The following DNAJC11 variants were observed in gnomAD, a reference collection of about 807,000 sequenced individuals.
DNAJC11 encodes dnaJ homolog subfamily C member 11.
Under a neutral mutation model 78.6 loss-of-function variants are expected in DNAJC11, and 15 were observed. The ratio of observed to expected loss-of-function variants is 0.19; its 90% CI spans 0.13 to 0.29. The LOEUF (loss-of-function observed/expected upper bound fraction) is 0.29. DNAJC11 is among the 10% of genes least tolerant of loss of function. The pLI is 1.00. For synonymous variants in DNAJC11, 292 were observed against 272.1 expected, an observed-to-expected ratio of 1.07 and a Z score of -0.72; for missense variants, 547 against 709.6, an observed-to-expected ratio of 0.77 and a Z score of 2.60.
chr1:6,678,261 A>T (rs1642503090), intron 3 of DNAJC11, 133 bp downstream of exon 3: 1 of 987,434 alleles, frequency 1.0e-6, no homozygotes, highest in Admixed American at 2.0e-5. Flanking sequence ...AAACAAAAAT[A>T]CAGGGCAAGG....
At chr1:6,647,904 A>T (rs1015988248) in intron 7 of DNAJC11, among the ~76,000 whole-genome samples, 1 of 152,196 alleles carries the variant, frequency 6.6e-6, no homozygotes, top group Admixed American at 6.5e-5. Context: ...CTTCCGTTTA[A>T]ATCTGCTCAA....
chr1:6,648,394 G>A (rs910957475), intron 7 of DNAJC11, among the ~76,000 whole-genome samples: 1 of 152,188 alleles, frequency 6.6e-6, no homozygotes, highest in Non-Finnish European at 1.5e-5. Context: ...GACCTCAGGC[G>A]ACCCGCCTGC....
chr1:6,646,599 G>A (rs991292099), intron 7 of DNAJC11, among the ~76,000 whole-genome samples: 3 of 152,208 alleles, frequency 2.0e-5, no homozygotes, highest in Non-Finnish European at 4.4e-5. Context: ...AGTGACCACA[G>A]CTGGGTACTA....
rs755344858 is a variant in DNAJC11 at position 6,652,881 on chromosome 1, C to G, written c.578G>C (p.Gly193Ala). The change falls in exon 6 of 16, where the codon GGT (glycine) becomes GCT (alanine). Residue 193 changes from glycine to alanine, a missense_variant. Coordinates refer to ENST00000377577, the MANE Select transcript of DNAJC11 (RefSeq NM_018198.4). ...SLSTQNGNGG[G>A]SINFALRRVT... ...TCGTCTGAGCGCAAAGTTAATGGAA[C>G]CTCCTCCATTTCCATTCTGGGTTGA... 1 of 1,614,174 alleles carries G rather than the reference C, an allele frequency of 6.2e-7. No homozygotes were observed. Among genetic ancestry groups the G allele is most frequent in the Non-Finnish European group, 8.5e-7 (1 of 1,180,012 alleles).
intron 4 of DNAJC11, among the ~76,000 whole-genome samples, chr1:6,664,948 A>G (rs1642272405): frequency 1.3e-5 from 2 of 152,148 alleles, no homozygotes; most frequent in Admixed American, 6.5e-5. Flanking sequence ...AAACAGAGAG[A>G]AATATGCACC....
At chr1:6,664,718 T>G (rs1642270067) in intron 4 of DNAJC11, among the ~76,000 whole-genome samples, 2 of 152,168 alleles carry the variant, frequency 1.3e-5, no homozygotes, top group African/African-American at 2.4e-5. Context: ...TAACATCTAT[T>G]TCATGTGTTT....
Position 6,653,394 on chromosome 1 carries a change from C to T in DNAJC11, c.508-443G>A, listed in dbSNP as rs1334363978. ...TAGGACTCCACGTTGTTGGCTGATG[C>T]AATGGAGAATAAATTAATGAGCTGA... On this transcript the variant is annotated intron_variant, in intron 5 of 15. Coordinates refer to ENST00000377577, the MANE Select transcript of DNAJC11 (RefSeq NM_018198.4). This position sits in a 1 kb window ranked among gnomAD's most constrained non-coding sequence, Gnocchi z 4.5. 6.6e-6 allele frequency among the ~76,000 whole-genome samples: 1 copy of T among 152,106 alleles called. No individual in the cohort carries two copies. Among genetic ancestry groups the T allele is most frequent in the Non-Finnish European group, 1.5e-5 (1 of 68,020 alleles).
chr1:6,637,368 GCCT>G, intron 13 of DNAJC11, 28 bp from the exon 14 acceptor site: 1 of 1,614,196 alleles, frequency 6.2e-7, no homozygotes, highest in Non-Finnish European at 8.5e-7. Context: ...GTAGAGGAAG[GCCT>G]CCTCCAGGCA....
At chr1:6,699,905 G>C (rs1012319252) in intron 1 of DNAJC11, among the ~76,000 whole-genome samples, 2 of 152,104 alleles carry the variant, frequency 1.3e-5, no homozygotes, top group African/African-American at 4.8e-5. Flanking sequence ...CCATACATTC[G>C]AGGGATTCTT....
chr1:6,695,679 G>C (rs1229729554), intron 1 of DNAJC11, among the ~76,000 whole-genome samples: 3 of 146,362 alleles, frequency 2.0e-5, no homozygotes, highest in Non-Finnish European at 4.5e-5. Flanking sequence ...GTACTGGTGT[G>C]TGCCTGTAAT....
In DNAJC11 at chr1:6,680,537, G is replaced by GA. The variant is rs1392508136; in HGVS notation, c.202+370dup. Among the ~76,000 whole-genome samples the GA allele has an allele frequency of 6.6e-6, 1 of 152,058 alleles. No homozygotes were observed. The highest frequency in any genetic ancestry group is 1.5e-5 in the Non-Finnish European group (1 of 67,990). On this transcript the variant is annotated intron_variant, in intron 2 of 15. Transcript: ENST00000377577. The surrounding 1 kb of genome is among the most constrained non-coding windows in gnomAD (Gnocchi z 4.0). ...AGAACCAATAAAATCACTTTTGGAT[G>GA]AAAAAATGTCCTTGTATCTTCTAAC...
chr1:6,671,348 T>C (rs1642376668), intron 3 of DNAJC11, among the ~76,000 whole-genome samples: 1 of 152,198 alleles, frequency 6.6e-6, no homozygotes, highest in South Asian at 2.1e-4. Flanking sequence ...GTTCACACCA[T>C]TCTCCTGCCT....
At chr1:6,682,283 C>T (rs554128236) in intron 1 of DNAJC11, among the ~76,000 whole-genome samples, 1 of 151,364 alleles carries the variant, frequency 6.6e-6, no homozygotes, top group African/African-American at 2.4e-5. Context: ...TTTTACTGTA[C>T]TTTAGTAATA....
At chr1:6,699,988 A>G (rs1449480271) in intron 1 of DNAJC11, among the ~76,000 whole-genome samples, 1 of 152,166 alleles carries the variant, frequency 6.6e-6, no homozygotes, top group Non-Finnish European at 1.5e-5. Flanking sequence ...GCACATATAC[A>G]TCCAGATGGC....
At chr1:6,649,708 C>T (rs1009852188) in intron 7 of DNAJC11, among the ~76,000 whole-genome samples, 13 of 151,232 alleles carry the variant, frequency 8.6e-5, no homozygotes, top group Non-Finnish European at 1.8e-4. Flanking sequence ...AGTGTAATAA[C>T]TAACTTTTTT....
chr1:6,648,925 G>A (rs1231574656), intron 7 of DNAJC11, among the ~76,000 whole-genome samples: 1 of 152,182 alleles, frequency 6.6e-6, no homozygotes. Flanking sequence ...GCAGGGGACT[G>A]TGGAGCTGTG....
At chr1:6,669,513 TAGAAA>T (rs60740818) in intron 3 of DNAJC11, among the ~76,000 whole-genome samples, 26,696 of 121,364 alleles carry the variant, frequency 0.22, 2,914 homozygotes, top group Middle Eastern at 0.3. Flanking sequence ...AACTCTGTCT[TAGAAA>T]AGAAAAGAAA....
rs1641707167 is a variant in DNAJC11, at chr1:6,634,178, G to A, written c.*1497C>T. Reference sequence around the variant, plus strand: ...GGAAGAGCGCCAGCCTCTGCTTTCAGGAAAGGTTTATTGTGGTGAGTGCCT... The same window carrying A: ...GGAAGAGCGCCAGCCTCTGCTTTCAAGAAAGGTTTATTGTGGTGAGTGCCT... On this transcript the variant is annotated 3_prime_UTR_variant, in exon 16 of 16. Coordinates refer to ENST00000377577, the MANE Select transcript of DNAJC11 (RefSeq NM_018198.4). 2.3e-6 allele frequency: 3 copies of A among 1,289,988 alleles called. No homozygotes were observed. The highest frequency in any genetic ancestry group is 2.2e-6 in the Non-Finnish European group (2 of 905,448). 79.9% of individuals were successfully genotyped at this position (1,289,988 alleles called of 1,614,324 possible).
intron 11 of DNAJC11, 26 bp downstream of exon 11, chr1:6,639,876 G>T: frequency 6.2e-7 from 1 of 1,606,792 alleles, no homozygotes; most frequent in South Asian, 1.1e-5. Flanking sequence ...GCTGGCTAGT[G>T]ACATGCCCAT....
Sources: allele counts gnomAD v4.1 joint callset (sites outside exome capture counted in the v4.1 genomes callset), GRCh38; gene constraint gnomAD v4.1.1; non-coding constraint Gnocchi (gnomAD v3.1); transcripts MANE v1.5; gene names NCBI Gene and HGNC (gene_info 2026-07-23, HGNC 2026-07-21).